Variants in ADIPOR1 observed in about 807,000 individuals in gnomAD.
The protein encoded by ADIPOR1 is adiponectin receptor protein 1.
A neutral mutation model predicts 37.5 loss-of-function variants in ADIPOR1; 15 were observed. The observed-to-expected ratio is 0.40, with a 90% CI of 0.27 to 0.62. ADIPOR1 has a LOEUF of 0.62. ADIPOR1 is among the 20% of genes least tolerant of loss of function. ADIPOR1 has a pLI of 0.42. For missense variants in ADIPOR1, 286 were observed against 478.0 expected (o/e 0.60, Z 3.75); for synonymous variants, 173 against 173.2 (o/e 1.00, Z 0.01).
rs552996812 is a variant in ADIPOR1 at position 202,957,369 on chromosome 1, T to G, written c.-95+816A>C. ...AAGTACTATGGTTAATCTAGTAAAG[T>G]ACCATGGCCTCCTAGCGCTCCTTTG... On this transcript the variant is annotated intron_variant, in intron 1 of 7. Coordinates refer to ENST00000340990, the MANE Select transcript of ADIPOR1 (RefSeq NM_015999.6). Among the ~76,000 whole-genome samples, 33 of 152,236 alleles carry G rather than the reference T, an allele frequency of 2.2e-4. 1 individual carries two copies. Among genetic ancestry groups the G allele is most frequent in the Admixed American group, 1.5e-3 (23 of 15,274 alleles).
At chr1:202,946,730 G>T in intron 3 of ADIPOR1, 120 bp from the exon 4 acceptor site, 1 of 973,662 alleles carries the variant, frequency 1.0e-6, no homozygotes. Flanking sequence ...CTAGGTAATA[G>T]TGGAGAACCA....
chr1:202,943,389 CT>C (rs1654178859), intron 6 of ADIPOR1, among the ~76,000 whole-genome samples: 1 of 152,226 alleles, frequency 6.6e-6, no homozygotes, highest in African/African-American at 2.4e-5. Flanking sequence ...ATTCCATTCC[CT>C]TAGTAAAATG....
intron 3 of ADIPOR1, 112 bp from the exon 4 acceptor site, chr1:202,946,722 AG>A: frequency 1.8e-6 from 2 of 1,129,140 alleles, no homozygotes. Flanking sequence ...GAATGGTCCT[AG>A]GTAATAGTGG....
intron 1 of ADIPOR1, among the ~76,000 whole-genome samples, chr1:202,952,339 G>A (rs6659920): frequency 1.9e-3 from 289 of 152,242 alleles, no homozygotes; most frequent in African/African-American, 6.6e-3. Flanking sequence ...GTTGCATTCC[G>A]GGAGAGGAAA....
chr1:202,952,570 C>A (rs970418065), intron 1 of ADIPOR1, among the ~76,000 whole-genome samples: 1 of 152,198 alleles, frequency 6.6e-6, no homozygotes, highest in Non-Finnish European at 1.5e-5. Context: ...TCCTTCCCTC[C>A]TGGAGCTGGG....
At chr1:202,954,651 A>G (rs1654707523) in intron 1 of ADIPOR1, among the ~76,000 whole-genome samples, 1 of 152,224 alleles carries the variant, frequency 6.6e-6, no homozygotes, top group African/African-American at 2.4e-5. Flanking sequence ...AACTCAAGCT[A>G]ATAAACCTTT....
chr1:202,950,308 T>C (rs1654518459), intron 2 of ADIPOR1, among the ~76,000 whole-genome samples: 1 of 151,692 alleles, frequency 6.6e-6, no homozygotes, highest in African/African-American at 2.4e-5. Context: ...GCACAGTGGC[T>C]CATACCTGTA....
chr1:202,945,057 C>T lies in ADIPOR1; in HGVS notation c.543G>A (p.Val181=). 1 of 1,614,142 alleles carries T rather than the reference C, an allele frequency of 6.2e-7. No individual in the cohort carries two copies. Among genetic ancestry groups the T allele is most frequent in the East Asian group, 2.2e-5 (1 of 44,884 alleles). ...AGAGCCAGGAGAAGCTGAGGCAGAG[C>T]ACTGCACCCAAAAAGAACATCCCAA... ...VVFGMFFLGA[V]LCLSFSWLFH... is the part of the protein sequence containing the mutation. The change falls in exon 5 of 8, where the codon GTG becomes GTA. Residue 181 remains valine (V), a synonymous_variant. Coordinates refer to ENST00000340990, the MANE Select transcript of ADIPOR1 (RefSeq NM_015999.6).
intron 2 of ADIPOR1, 88 bp downstream of exon 2, chr1:202,950,842 T>G: frequency 6.5e-7 from 1 of 1,547,646 alleles, no homozygotes; most frequent in Non-Finnish European, 8.8e-7. Flanking sequence ...TTCCTCCTTT[T>G]GGACGGTGAG....
chr1:202,958,307 C>G lies in ADIPOR1; in HGVS notation c.-217G>C, dbSNP rs1654867208. 6.6e-6 allele frequency: 1 copy of G among 152,244 alleles called. No individual in the cohort carries two copies. Among genetic ancestry groups the G allele is most frequent in the Non-Finnish European group, 1.5e-5 (1 of 68,084 alleles). The allele number at this position is 152,244 out of a possible 1,614,324, so 9.4% of individuals were successfully genotyped here. On this transcript the variant is annotated 5_prime_UTR_variant, in exon 1 of 8. Transcript: ENST00000340990. ...CCCTCCCCGCGCCGGAAGGGGCGCG[C>G]GACCTCCCGCGTCACCTCCGCAGCC...
intron 6 of ADIPOR1, 48 bp from the exon 7 acceptor site, chr1:202,942,266 A>G (rs758155491): frequency 1.3e-6 from 2 of 1,531,990 alleles, no homozygotes; most frequent in Non-Finnish European, 1.8e-6. Context: ...CAGCCACCGC[A>G]TGGAAGGCAC....
In ADIPOR1 at chr1:202,941,361, G is replaced by T; in HGVS notation, c.*212C>A. 2.2e-6 allele frequency: 1 copy of T among 450,226 alleles called. No homozygotes were observed. The allele number at this position is 450,226 out of a possible 1,614,324, so 27.9% of individuals were successfully genotyped here. A position where few individuals can be genotyped will look rare whatever the true frequency, so the allele number is the denominator to read the frequency against. ...GCCTTGCTGAGGAGGGGATGGCTAA[G>T]TTTGACCATGCCCCATCCCCAGCTA... On this transcript the variant is annotated 3_prime_UTR_variant, in exon 8 of 8. Transcript: ENST00000340990.
chr1:202,946,549 T>C lies in ADIPOR1; in HGVS notation c.320A>G (p.Asn107Ser), dbSNP rs1419320091. Residue 107 changes from asparagine to serine, a missense_variant, in exon 4 of 8, where the codon AAC becomes AGC. Asn to Ser is a conservative substitution (Grantham distance 46). Transcript: ENST00000340990. ...TCTATGACCATGTAGCAGATAGTCG[T>C]TGTCCTTTAGCCAGTCAGGGAGCAC... is the stretch of plus-strand genomic sequence containing the variant. ...YDVLPDWLKDNDYLLHGHRPP... is the reference protein window; with the variant it reads ...YDVLPDWLKDSDYLLHGHRPP... 6.2e-7 allele frequency: 1 copy of C among 1,614,074 alleles called. No individual in the cohort carries two copies. Among genetic ancestry groups the C allele is most frequent in the Non-Finnish European group, 8.5e-7 (1 of 1,180,012 alleles).
intron 7 of ADIPOR1, 76 bp downstream of exon 7, chr1:202,941,948 AC>A: frequency 6.9e-7 from 1 of 1,456,816 alleles, no homozygotes; most frequent in Admixed American, 2.1e-5. Flanking sequence ...CCAGTCTCAT[AC>A]CACCTTTTCC....
chr1:202,946,629 C>A lies in ADIPOR1; in HGVS notation c.259-19G>T. On this transcript the variant is annotated intron_variant, in intron 3 of 7. Transcript: ENST00000340990. ...CCCAGACCTAGAACATATACACTTT[C>A]TCTGGGTAGGGCACTAGATAGTACC... is the stretch of plus-strand genomic sequence containing the variant. 6.2e-7 allele frequency: 1 copy of A among 1,613,770 alleles called. No homozygotes were observed. Among genetic ancestry groups the A allele is most frequent in the South Asian group, 1.1e-5 (1 of 91,056 alleles).
intron 1 of ADIPOR1, among the ~76,000 whole-genome samples, chr1:202,952,463 TTG>T (rs1318124222): frequency 6.6e-6 from 1 of 152,208 alleles, no homozygotes; most frequent in Non-Finnish European, 1.5e-5. Context: ...CTTTGATATC[TTG>T]TGTCAGTTCT....
At chr1:202,949,415 C>T (rs1274861320) in intron 2 of ADIPOR1, among the ~76,000 whole-genome samples, 1 of 151,424 alleles carries the variant, frequency 6.6e-6, no homozygotes, top group Non-Finnish European at 1.5e-5. Flanking sequence ...CCTGTCTCTA[C>T]TAAAAATACA....
At chr1:202,950,903 G>A in intron 2 of ADIPOR1, 27 bp downstream of exon 2, 1 of 1,613,768 alleles carries the variant, frequency 6.2e-7, no homozygotes, top group Non-Finnish European at 8.5e-7. Context: ...ACTGAACAAG[G>A]GGATGACTCC....
chr1:202,950,295 C>T lies in ADIPOR1; in HGVS notation c.141+635G>A, dbSNP rs142690035. Among the ~76,000 whole-genome samples, 816 of 151,720 alleles carry T rather than the reference C, an allele frequency of 5.4e-3. 6 individuals are homozygous for T. Among genetic ancestry groups the T allele is most frequent in the African/African-American group, 0.018 (744 of 41,434 alleles). On this transcript the variant is annotated intron_variant, in intron 2 of 7. Transcript: ENST00000340990. Reference sequence around the variant, plus strand: ...TCCCTTTAAAAGGCAAAGAGTTGGCCGGGCACAGTGGCTCATACCTGTAAT... The same window carrying T: ...TCCCTTTAAAAGGCAAAGAGTTGGCTGGGCACAGTGGCTCATACCTGTAAT...
Sources: gnomAD v4.1 joint callset for allele counts (sites outside exome capture counted in the v4.1 genomes callset) on GRCh38, gnomAD v4.1.1 for gene constraint, MANE v1.5 for transcripts, NCBI Gene and HGNC (gene_info 2026-07-23, HGNC 2026-07-21) for gene names.